PDE4D: variants seen among roughly 807,000 people sequenced by gnomAD.
The protein encoded by PDE4D is 3',5'-cyclic-AMP phosphodiesterase 4D.
PDE4D carries 24 observed loss-of-function variants against 87.4 expected under a neutral mutation model. The observed-to-expected ratio is 0.27, with a 90% CI of 0.20 to 0.39. The LOEUF is 0.39. Ranked by LOEUF, PDE4D falls within the 10% of genes least tolerant of loss-of-function variation. The probability of loss-of-function intolerance (pLI) is 1.00; values close to 1 mark genes in which losing one functional copy is unlikely to be tolerated. For missense variants in PDE4D, 714 were observed against 1,041.0 expected, an observed-to-expected ratio of 0.69 and a Z score of 4.32; for synonymous variants, 384 against 383.2, an observed-to-expected ratio of 1.00 and a Z score of -0.02.
chr5:59,464,033 A>T (rs1341136364), intron 1 of PDE4D, among the ~76,000 whole-genome samples: 1 of 152,212 alleles, frequency 6.6e-6, no homozygotes. Context: ...GCTCCTTAAG[A>T]GTCATCACCA....
chr5:60,238,929 A>G (rs1461815304), intron 1 of PDE4D, among the ~76,000 whole-genome samples: 4 of 152,000 alleles, frequency 2.6e-5, no homozygotes, highest in African/African-American at 9.7e-5. Flanking sequence ...AATTTTTGCA[A>G]TCAGGCCTTG....
At chr5:59,217,450 T>C (rs1383687556) in intron 1 of PDE4D, 1 of 349,376 alleles carries the variant, frequency 2.9e-6, no homozygotes, top group African/African-American at 2.2e-5. Flanking sequence ...TTTGAATCTG[T>C]GATCAAATAA....
intron 1 of PDE4D, among the ~76,000 whole-genome samples, chr5:60,206,689 C>T (rs1742569082): frequency 6.6e-6 from 1 of 152,168 alleles, no homozygotes; most frequent in Admixed American, 6.5e-5. Flanking sequence ...GCTGGATAAA[C>T]CACATTTTAC....
At chr5:59,554,509 T>C (rs1028805049) in intron 1 of PDE4D, among the ~76,000 whole-genome samples, 1 of 152,192 alleles carries the variant, frequency 6.6e-6, no homozygotes, top group African/African-American at 2.4e-5. Context: ...CAGAAATGTC[T>C]ACCAAGAAAG....
In PDE4D at chr5:60,254,694, C is replaced by T. The variant is rs568626758; in HGVS notation, c.-89-69007G>A. On this transcript the variant is annotated intron_variant, in intron 1 of 16. Transcript: ENST00000502484. Reference sequence around the variant, plus strand: ...AAAAGCAGGAGAGAGTTGTTAATAGCGCAGACTATGTCATCATGATACTTA... The same window carrying T: ...AAAAGCAGGAGAGAGTTGTTAATAGTGCAGACTATGTCATCATGATACTTA... Among the ~76,000 whole-genome samples, 10 of 151,938 alleles carry T rather than the reference C, an allele frequency of 6.6e-5. No individual in the cohort carries two copies. The South Asian group carries it at 1.9e-3, about 28-fold the overall frequency.
intron 1 of PDE4D, among the ~76,000 whole-genome samples, chr5:59,573,990 T>C (rs1289331652): frequency 2.6e-5 from 2 of 77,024 alleles, no homozygotes; most frequent in African/African-American, 1.0e-4. Context: ...AAAGGGAGAC[T>C]CTGTCTCAAA....
At position 59,399,439 on chromosome 5, in the gene PDE4D, C is replaced by T. The variant is rs879682232; in HGVS notation, c.456-183471G>A. On this transcript the variant is annotated intron_variant, in intron 1 of 14. Transcript: ENST00000340635. ...CAGAAATAACGCCGCATATCTACAA[C>T]TATCTGATCTTTGACAAACCTGAGA... 8.6e-3 allele frequency among the ~76,000 whole-genome samples: 1,188 copies of T among 138,008 alleles called. 5 individuals are homozygous for T. The highest frequency in any genetic ancestry group is 0.011 in the Non-Finnish European group (677 of 60,470). 90.5% of individuals were successfully genotyped at this position (138,008 alleles called of 152,430 possible).
intron 2 of PDE4D, among the ~76,000 whole-genome samples, chr5:60,013,297 T>C (rs928309925): frequency 6.6e-6 from 1 of 152,214 alleles, no homozygotes; most frequent in African/African-American, 2.4e-5. Context: ...TCTCAACTTT[T>C]AACCTTTTTA....
At chr5:60,094,574 A>T (rs1416190359) in intron 2 of PDE4D, among the ~76,000 whole-genome samples, 1 of 143,632 alleles carries the variant, frequency 7.0e-6, no homozygotes, top group Non-Finnish European at 1.5e-5. Flanking sequence ...CCCTAACCCA[A>T]TGTGAGTGAC....
In PDE4D at chr5:59,053,638, G is replaced by GTTTTTT. The variant is rs1205199951; in HGVS notation, c.809-14673_809-14668dup. 5.8e-4 allele frequency among the ~76,000 whole-genome samples: 49 copies of GTTTTTT among 84,690 alleles called. 2 individuals are homozygous for GTTTTTT. The highest frequency in any genetic ancestry group is 1.4e-3 in the African/African-American group (28 of 19,712). The allele number at this position is 84,690 out of a possible 152,430, so 55.6% of individuals were successfully genotyped here. On this transcript the variant is annotated intron_variant, in intron 5 of 14. Transcript: ENST00000340635. ...TAAGTTTTATGAATTAAGTTGTTTTGTTTTTTGTTTTTTTTTGTTGTTGTT... is the reference window on the plus strand; with the variant it reads ...TAAGTTTTATGAATTAAGTTGTTTTGTTTTTTTTTTTTGTTTTTTTTTGTTGTTGTT...
At chr5:59,782,424 C>T (rs1009120776) in intron 1 of PDE4D, among the ~76,000 whole-genome samples, 2 of 152,084 alleles carry the variant, frequency 1.3e-5, no homozygotes, top group Admixed American at 6.5e-5. Context: ...AATAATTCCC[C>T]GTAAAAGATA....
intron 1 of PDE4D, among the ~76,000 whole-genome samples, chr5:59,426,491 C>T (rs1795232152): frequency 6.6e-6 from 1 of 151,946 alleles, no homozygotes; most frequent in Non-Finnish European, 1.5e-5. Context: ...TTTAGAAAAA[C>T]AGAGGCCAGA....
At chr5:60,104,645 A>T (rs1381419378) in intron 2 of PDE4D, among the ~76,000 whole-genome samples, 2 of 152,166 alleles carry the variant, frequency 1.3e-5, no homozygotes, top group East Asian at 3.9e-4. Flanking sequence ...CACACGGCCA[A>T]GTACTCCTCT....
At chr5:60,463,179 A>T (rs1490219296) in intron 1 of PDE4D, among the ~76,000 whole-genome samples, 1 of 152,132 alleles carries the variant, frequency 6.6e-6, no homozygotes, top group African/African-American at 2.4e-5. Flanking sequence ...GCCTGCACTG[A>T]GCCTATGCAT....
chr5:59,269,266 C>T lies in PDE4D; in HGVS notation c.456-53298G>A, dbSNP rs964699037. 2.6e-5 allele frequency among the ~76,000 whole-genome samples: 4 copies of T among 152,138 alleles called. 1 individual carries two copies. Among genetic ancestry groups the T allele is most frequent in the Non-Finnish European group, 5.9e-5 (4 of 68,002 alleles). On this transcript the variant is annotated intron_variant, in intron 1 of 14. Coordinates refer to ENST00000340635, the MANE Select transcript of PDE4D (RefSeq NM_001104631.2). ...CAATTCAGCATTTCTTTACCAACAA[C>T]CATACTCACTTCCTGAATTATCAGC...
At chr5:60,119,005 A>C (rs1481785590) in intron 2 of PDE4D, among the ~76,000 whole-genome samples, 2 of 152,136 alleles carry the variant, frequency 1.3e-5, no homozygotes, top group Non-Finnish European at 2.9e-5. Context: ...GGAACTACAC[A>C]CACAGGCCCA....
At chr5:59,242,460 C>T (rs1757869081) in intron 1 of PDE4D, among the ~76,000 whole-genome samples, 2 of 152,088 alleles carry the variant, frequency 1.3e-5, no homozygotes, top group South Asian at 4.1e-4. Flanking sequence ...TTCAACTCCA[C>T]TGGGGTGCAT....
At chr5:59,078,868 G>T (rs1766170153) in intron 5 of PDE4D, among the ~76,000 whole-genome samples, 1 of 152,140 alleles carries the variant, frequency 6.6e-6, no homozygotes, top group Non-Finnish European at 1.5e-5. Context: ...CCTGATGTAA[G>T]GGTTAATCCT....
At chr5:60,066,592 T>TATCATCATCATCATCATC (rs55735827) in intron 2 of PDE4D, among the ~76,000 whole-genome samples, 2 of 149,694 alleles carry the variant, frequency 1.3e-5, no homozygotes, top group East Asian at 4.0e-4. Flanking sequence ...TAAAGCAAAT[T>TATCATCATCATCATCATC]ATCATCATCA....
Sources: gnomAD v4.1 joint callset for allele counts (sites outside exome capture counted in the v4.1 genomes callset) on GRCh38, gnomAD v4.1.1 for gene constraint, MANE v1.5 for transcripts, NCBI Gene and HGNC (gene_info 2026-07-23, HGNC 2026-07-21) for gene names.